Variants in DGKB observed in about 807,000 individuals in gnomAD.
The protein encoded by DGKB is 90 kDa diacylglycerol kinase.
A neutral mutation model predicts 114.3 loss-of-function variants in DGKB; 67 were observed. The observed-to-expected ratio is 0.59, with a 90% confidence interval of 0.48 to 0.72. The LOEUF is 0.72. DGKB is among the 30% of genes least tolerant of loss of function. The pLI, the probability that DGKB is intolerant of heterozygous loss-of-function variation, is 0.00. For missense variants in DGKB, 907 were observed against 975.2 expected, an observed-to-expected ratio of 0.93 and a Z score of 0.93; for synonymous variants, 398 against 323.1, an observed-to-expected ratio of 1.23 and a Z score of -2.49.
At chr7:14,398,388 C>G (rs778663668) in intron 21 of DGKB, among the ~76,000 whole-genome samples, 2 of 151,954 alleles carry the variant, frequency 1.3e-5, no homozygotes, top group Non-Finnish European at 2.9e-5. Flanking sequence ...GTATATGGTA[C>G]TAAAGGCATA....
chr7:14,420,660 A>T (rs1366803544), intron 21 of DGKB, among the ~76,000 whole-genome samples: 1 of 152,120 alleles, frequency 6.6e-6, no homozygotes, highest in East Asian at 1.9e-4. Flanking sequence ...TTTGGAAATT[A>T]TTATAGACAC....
intron 8 of DGKB, among the ~76,000 whole-genome samples, chr7:14,696,500 T>C (rs1823938381): frequency 4.1e-5 from 1 of 24,650 alleles, no homozygotes; most frequent in Non-Finnish European, 6.9e-5. Flanking sequence ...AGACTCCGTC[T>C]CAAAAAAAAA....
intron 1 of DGKB, among the ~76,000 whole-genome samples, chr7:14,846,002 A>C (rs1169487259): frequency 1.3e-5 from 2 of 152,232 alleles, no homozygotes; most frequent in African/African-American, 4.8e-5. Flanking sequence ...AACAACACTT[A>C]CACATGACCA....
chr7:14,593,830 A>AC (rs930672571), intron 17 of DGKB, among the ~76,000 whole-genome samples: 13 of 151,524 alleles, frequency 8.6e-5, no homozygotes, highest in African/African-American at 3.2e-4. Flanking sequence ...TAAAAAAAGA[A>AC]AAAAACAACA....
chr7:14,799,086 T>A (rs1841800443), intron 2 of DGKB, among the ~76,000 whole-genome samples: 1 of 152,202 alleles, frequency 6.6e-6, no homozygotes, highest in Non-Finnish European at 1.5e-5. Flanking sequence ...AGAATGATAG[T>A]GCATTATTAT....
At chr7:14,395,161 G>A (rs1296886612) in intron 21 of DGKB, among the ~76,000 whole-genome samples, 1 of 152,092 alleles carries the variant, frequency 6.6e-6, no homozygotes, top group Non-Finnish European at 1.5e-5. Context: ...TTGATTTAAA[G>A]AGTAAATGCT....
intron 17 of DGKB, among the ~76,000 whole-genome samples, chr7:14,584,076 A>C (rs906260318): frequency 2.0e-5 from 3 of 152,218 alleles, no homozygotes; most frequent in Non-Finnish European, 4.4e-5. Context: ...TGCTATACAT[A>C]CTGTTCATTA....
chr7:14,758,926 TA>T (rs1464828058), intron 2 of DGKB, among the ~76,000 whole-genome samples: 2 of 139,506 alleles, frequency 1.4e-5, no homozygotes, highest in African/African-American at 6.7e-5. Flanking sequence ...GATAGATAGA[TA>T]GATAGATACA....
intron 1 of DGKB, among the ~76,000 whole-genome samples, chr7:14,899,262 T>C (rs192891055): frequency 6.6e-6 from 1 of 152,180 alleles, no homozygotes; most frequent in African/African-American, 2.4e-5. Flanking sequence ...ACTACTCTTT[T>C]ACCTCTTCAG....
intron 20 of DGKB, 76 bp downstream of exon 20, chr7:14,574,136 T>C: frequency 2.6e-6 from 3 of 1,162,422 alleles, no homozygotes; most frequent in Non-Finnish European, 3.6e-6. Context: ...AATCAGTAAA[T>C]TTTCATAGTT....
chr7:14,335,523 A>G (rs1337001256), intron 23 of DGKB, among the ~76,000 whole-genome samples: 1 of 152,188 alleles, frequency 6.6e-6, no homozygotes, highest in Non-Finnish European at 1.5e-5. Context: ...ATATTTTAAG[A>G]AAGAACAAGA....
Position 14,580,923 on chromosome 7 carries a change from T to A in DGKB, c.1548A>T (p.Pro516=). 6.2e-7 allele frequency: 1 copy of A among 1,604,912 alleles called. No individual in the cohort carries two copies. The highest frequency in any genetic ancestry group is 8.5e-7 in the Non-Finnish European group (1 of 1,173,684). Residue 516 remains proline (P), a synonymous_variant, in exon 19 of 26, where the codon CCA becomes CCT. Transcript: ENST00000402815. ...IEKANVGKHP[P]VAILPLGTGN... is the part of the protein sequence containing the mutation. ...CAGTCCCAAGAGGCAGAATCGCAAC[T>A]GGAGGATGCTTGCCTACATTGGCCT... is the stretch of plus-strand genomic sequence containing the variant.
At chr7:14,843,315 CTTTTTTTTTTTTTTTT>C (rs761304991) in intron 1 of DGKB, among the ~76,000 whole-genome samples, 1 of 77,232 alleles carries the variant, frequency 1.3e-5, no homozygotes, top group Admixed American at 2.2e-4. Flanking sequence ...ATTTTAATAA[CTTTTTTTTTTTTTTTT>C]TTTTTTTTTT....
intron 21 of DGKB, among the ~76,000 whole-genome samples, chr7:14,428,581 A>T (rs757263582): frequency 3.9e-5 from 6 of 152,014 alleles, no homozygotes; most frequent in Non-Finnish European, 8.8e-5. Flanking sequence ...ACATTATTGT[A>T]TAGAGCCTAT....
At chr7:14,660,481 T>G (rs1243359773) in intron 13 of DGKB, among the ~76,000 whole-genome samples, 1 of 152,256 alleles carries the variant, frequency 6.6e-6, no homozygotes, top group East Asian at 1.9e-4. Flanking sequence ...TATCCATTTC[T>G]TCTAGATTTT....
chr7:14,304,754 C>T (rs1203445219), intron 23 of DGKB, among the ~76,000 whole-genome samples: 2 of 152,016 alleles, frequency 1.3e-5, no homozygotes, highest in Non-Finnish European at 2.9e-5. Context: ...TGTGGAATTT[C>T]TCAGTTGTTC....
chr7:14,820,487 G>T (rs1339919975), intron 2 of DGKB, among the ~76,000 whole-genome samples: 1 of 152,082 alleles, frequency 6.6e-6, no homozygotes, highest in Non-Finnish European at 1.5e-5. Flanking sequence ...ATTTTCTTGG[G>T]TTGGGCATTT....
At chr7:14,150,214 C>G (rs1420161627) in intron 25 of DGKB, among the ~76,000 whole-genome samples, 1 of 152,094 alleles carries the variant, frequency 6.6e-6, no homozygotes, top group Non-Finnish European at 1.5e-5. Context: ...AATACAAGAA[C>G]CATCGCTTAT....
intron 23 of DGKB, among the ~76,000 whole-genome samples, chr7:14,280,951 A>C (rs1799849893): frequency 6.6e-6 from 1 of 151,898 alleles, no homozygotes. Flanking sequence ...AACTGCATCA[A>C]CTAACGAGCA....
Sources: gnomAD v4.1 joint callset for allele counts (sites outside exome capture counted in the v4.1 genomes callset) on GRCh38, gnomAD v4.1.1 for gene constraint, MANE v1.5 for transcripts, NCBI Gene and HGNC (gene_info 2026-07-23, HGNC 2026-07-21) for gene names.